Variants in DLG5 observed in about 807,000 individuals in gnomAD.
DLG5 encodes the protein discs large MAGUK scaffold protein 5.
Under a neutral mutation model 189.8 loss-of-function variants are expected in DLG5, and 48 were observed. That is an observed-to-expected ratio of 0.25 (90% CI 0.20 to 0.32). DLG5 has a LOEUF of 0.32. Ranked by LOEUF, DLG5 falls within the 10% of genes least tolerant of loss-of-function variation. DLG5 has a pLI of 1.00. For synonymous variants in DLG5, 1,016 were observed against 1,054.1 expected (o/e 0.96, Z 0.70); for missense variants, 2,160 against 2,544.7 (o/e 0.85, Z 3.25).
At chr10:77,822,461 T>C (rs768279147) in intron 14 of DLG5, among the ~76,000 whole-genome samples, 2 of 152,082 alleles carry the variant, frequency 1.3e-5, no homozygotes, top group Non-Finnish European at 2.9e-5. Flanking sequence ...CTGACCGATA[T>C]GGTGAAACCC....
chr10:77,822,146 G>A, intron 14 of DLG5, 45 bp from the exon 15 acceptor site: 1 of 1,567,452 alleles, frequency 6.4e-7, no homozygotes, highest in Non-Finnish European at 8.6e-7. Flanking sequence ...TGAGATGGCA[G>A]GACTTGGAGC....
chr10:77,858,394 G>C (rs1163480156), intron 2 of DLG5, among the ~76,000 whole-genome samples: 2 of 152,142 alleles, frequency 1.3e-5, no homozygotes, highest in Non-Finnish European at 2.9e-5. Flanking sequence ...AAGCACTCTG[G>C]GAGGCCAAGG....
chr10:77,821,707 C>G lies in DLG5; in HGVS notation c.2777G>C (p.Cys926Ser), dbSNP rs1028257481. 1.9e-6 allele frequency: 3 copies of G among 1,611,962 alleles called. No homozygotes were observed. Among genetic ancestry groups the G allele is most frequent in the Non-Finnish European group, 2.5e-6 (3 of 1,179,520 alleles). The change falls in exon 15 of 32, where the codon TGT becomes TCT. Residue 926 changes from cysteine (C) to serine (S), a missense_variant. Physicochemically the swap from Cys to Ser is moderately radical, Grantham distance 112. Around this residue, in one of 5 missense-constraint regions of DLG5, gnomAD observed 754 missense variants for 746.5 expected, o/e 1.01. Transcript: ENST00000372391. ...GTCCAGGGAGGCCTCCCCAACCCCA[C>G]AGGGGCCCACCTCGGTCTCAAAGGG... ...LLPFETEVGP[C>S]GVGEASLDKA... is the part of the protein sequence containing the mutation.
chr10:77,812,405 C>T (rs780346836), intron 20 of DLG5, 28 bp from the exon 21 acceptor site: 1 of 1,597,620 alleles, frequency 6.3e-7, no homozygotes, highest in Non-Finnish European at 8.6e-7. Context: ...GTTTCGGGGA[C>T]TCAGGGTCAA....
At chr10:77,829,124 C>T (rs1406282193) in intron 12 of DLG5, 139 bp from the exon 13 acceptor site, 2 of 1,042,456 alleles carry the variant, frequency 1.9e-6, no homozygotes, top group African/African-American at 1.6e-5. Context: ...CACCCTGCCC[C>T]AGTCCCACCA....
Position 77,829,643 on chromosome 10 carries a change from C to T in DLG5, c.2010-113G>A, listed in dbSNP as rs928400994. 20 of 1,280,204 alleles carry T rather than the reference C, an allele frequency of 1.6e-5. No individual in the cohort carries two copies. In the Admixed American group the frequency reaches 1.7e-4, roughly 11 times the overall value. The allele number at this position is 1,280,204 out of a possible 1,614,324, so 79.3% of individuals were successfully genotyped here. A position where few individuals can be genotyped will look rare whatever the true frequency, so the allele number is the denominator to read the frequency against. On this transcript the variant is annotated intron_variant, in intron 11 of 31. Transcript: ENST00000372391. ...CCAAGGAGTGGGTGCCTCACATACA[C>T]GCTCAGAAAATCTCCTCTTGCAGGA...
In DLG5 at chr10:77,796,560, C is replaced by T; in HGVS notation, c.5199G>A (p.Lys1733=). The T allele has an allele frequency of 6.2e-7, 1 of 1,614,096 alleles. No homozygotes were observed. The highest frequency in any genetic ancestry group is 1.1e-5 in the South Asian group (1 of 91,084). ...SVSLAYQRVQ[K]VDCTALRPVL... is the part of the protein sequence containing the mutation. ...CAGGCCTCAGAGCGGTGCAGTCCAC[C>T]TTCTGGACCCGCTGATAGGCCAGGC... is the stretch of plus-strand genomic sequence containing the variant. The change falls in exon 28 of 32, where the codon AAG becomes AAA. Residue 1733 remains lysine, a synonymous_variant. Coordinates refer to ENST00000372391, the MANE Select transcript of DLG5 (RefSeq NM_004747.4). This position sits in a 1 kb window ranked among gnomAD's most constrained non-coding sequence, Gnocchi z 5.2.
intron 23 of DLG5, 21 bp from the exon 24 acceptor site, chr10:77,809,751 T>C (rs1841666347): frequency 6.2e-7 from 1 of 1,606,060 alleles, no homozygotes; most frequent in Admixed American, 1.7e-5. Flanking sequence ...AAAAACAAAG[T>C]TCCTCAACTG....
Position 77,796,505 on chromosome 10 carries a change from C to G in DLG5, c.5254G>C (p.Val1752Leu). 1 of 1,614,210 alleles carries G rather than the reference C, an allele frequency of 6.2e-7. No homozygotes were observed. Among genetic ancestry groups the G allele is most frequent in the Non-Finnish European group, 8.5e-7 (1 of 1,180,044 alleles). ...VLILGPLLDV[V>L]KEMLVNEAPG... Reference sequence around the variant, plus strand: ...GCCTCATTCACCAGCATCTCCTTCACCACGTCCAGCAAAGGCCCCAGAATC... The same window carrying G: ...GCCTCATTCACCAGCATCTCCTTCAGCACGTCCAGCAAAGGCCCCAGAATC... Residue 1752 changes from valine to leucine, a missense_variant, in exon 28 of 32, where the codon GTG becomes CTG. Val to Leu is a conservative substitution (Grantham distance 32). This residue lies in a region of DLG5 where 574 missense variants were observed against 644.2 expected (regional missense o/e 0.89). Transcript: ENST00000372391. This position sits in a 1 kb window ranked among gnomAD's most constrained non-coding sequence, Gnocchi z 5.2.
chr10:77,803,195 C>T (rs1355088102), intron 27 of DLG5, among the ~76,000 whole-genome samples: 3 of 152,068 alleles, frequency 2.0e-5, no homozygotes, highest in East Asian at 1.9e-4. Context: ...CAAACATAAA[C>T]GAGGTAGAAT....
At chr10:77,893,703 A>G (rs563487578) in intron 1 of DLG5, among the ~76,000 whole-genome samples, 1 of 152,352 alleles carries the variant, frequency 6.6e-6, no homozygotes, top group Admixed American at 6.5e-5. Flanking sequence ...AAGTAGTTCA[A>G]ACGGACCAGC....
At chr10:77,927,789 C>T (rs1846742800), upstream of DLG5, 1 of 152,226 alleles carries the variant, frequency 6.6e-6, no homozygotes, top group Non-Finnish European at 1.5e-5. Flanking sequence ...CCACGACAGC[C>T]GTTTGTGGAC....
chr10:77,830,130 C>A, intron 11 of DLG5, 87 bp downstream of exon 11: 4 of 1,557,270 alleles, frequency 2.6e-6, no homozygotes, highest in Non-Finnish European at 3.5e-6. Context: ...GAAACGTTCA[C>A]CTAAGTGCTA....
In DLG5 at chr10:77,839,722, G is replaced by C. The variant is rs55694021; in HGVS notation, c.1437+2159C>G. Among the ~76,000 whole-genome samples the C allele has an allele frequency of 9.9e-3, 1,511 of 152,230 alleles. 27 individuals carry two copies. The highest frequency in any genetic ancestry group is 0.034 in the African/African-American group (1,411 of 41,534). On this transcript the variant is annotated intron_variant, in intron 7 of 31. Transcript: ENST00000372391. ...TACCAGGATGTGAACATGAGTTCAC[G>C]GTTTTTCTAGGATGATTACCAAATT...
At chr10:77,896,549 A>C (rs1318960459) in intron 1 of DLG5, among the ~76,000 whole-genome samples, 1 of 152,218 alleles carries the variant, frequency 6.6e-6, no homozygotes, top group East Asian at 1.9e-4. Flanking sequence ...AAAGTAAAAA[A>C]GCAAATATGG....
intron 2 of DLG5, among the ~76,000 whole-genome samples, chr10:77,865,905 C>T (rs1844661680): frequency 6.6e-6 from 1 of 152,206 alleles, no homozygotes; most frequent in Non-Finnish European, 1.5e-5. Context: ...ACGCTGTCTA[C>T]ACGCCCCAGG....
rs374610075 is a variant in DLG5, at chr10:77,794,048, C to T, written c.5616G>A (p.Ala1872=). 25 of 1,614,078 alleles carry T rather than the reference C, an allele frequency of 1.5e-5. No individual in the cohort carries two copies. The South Asian group carries it at 1.8e-4, about 11-fold the overall frequency. ...TGTACTCCTGCTCAAGCTTCTGCGC[C>T]GCCTCAAACTGCTCTTTGGAATGCC... ...TQRHSKEQFE[A]AQKLEQEYSR... is the part of the protein sequence containing the mutation. Residue 1872 remains alanine (A), a synonymous_variant, in exon 31 of 32, where the codon GCG becomes GCA. Coordinates refer to ENST00000372391, the MANE Select transcript of DLG5 (RefSeq NM_004747.4).
At chr10:77,798,217 C>G (rs1184936170) in intron 27 of DLG5, among the ~76,000 whole-genome samples, 1 of 152,054 alleles carries the variant, frequency 6.6e-6, no homozygotes, top group Non-Finnish European at 1.5e-5. Flanking sequence ...TAAAACTGAT[C>G]ATTATCCACA....
chr10:77,898,282 G>A (rs1228999235), intron 1 of DLG5, among the ~76,000 whole-genome samples: 1 of 152,222 alleles, frequency 6.6e-6, no homozygotes, highest in Admixed American at 6.5e-5. Flanking sequence ...GGACTCTGCA[G>A]TTCCCTGGGA....
Sources: allele counts gnomAD v4.1 joint callset (sites outside exome capture counted in the v4.1 genomes callset), GRCh38; gene constraint gnomAD v4.1.1; regional missense constraint gnomAD v4.1.1; non-coding constraint Gnocchi (gnomAD v3.1); transcripts MANE v1.5; gene names NCBI Gene and HGNC (gene_info 2026-07-23, HGNC 2026-07-21).